Variants in HS3ST4 observed in about 807,000 individuals in gnomAD.
The protein encoded by HS3ST4 is heparan sulfate-glucosamine 3-sulfotransferase 4.
A neutral mutation model predicts 29.2 loss-of-function variants in HS3ST4; 17 were observed. The ratio of observed to expected loss-of-function variants is 0.58; its 90% CI spans 0.40 to 0.87. The LOEUF is 0.87. HS3ST4 is among the 40% of genes least tolerant of loss of function. The pLI, the probability that HS3ST4 is intolerant of heterozygous loss-of-function variation, is 0.00. For synonymous variants in HS3ST4, 314 were observed against 285.7 expected (o/e 1.10, Z -1.00); for missense variants, 627 against 634.5 (o/e 0.99, Z 0.13).
chr16:25,927,710 C>T (rs555014270), intron 1 of HS3ST4, among the ~76,000 whole-genome samples: 3 of 151,092 alleles, frequency 2.0e-5, no homozygotes, highest in African/African-American at 7.3e-5. Context: ...TTTTTTTCCC[C>T]GATTTTTCGG....
At chr16:25,950,079 C>A (rs1036064533) in intron 1 of HS3ST4, among the ~76,000 whole-genome samples, 1 of 152,272 alleles carries the variant, frequency 6.6e-6, no homozygotes, top group Admixed American at 6.5e-5. Flanking sequence ...GTCTTACCAG[C>A]TTGTGACATC....
chr16:25,855,488 G>T (rs1967566170), intron 1 of HS3ST4, among the ~76,000 whole-genome samples: 1 of 152,102 alleles, frequency 6.6e-6, no homozygotes, highest in South Asian at 2.1e-4. Flanking sequence ...AAAATATTTT[G>T]ATTTCCTTCA....
chr16:26,135,530 T>C, intron 1 of HS3ST4, 82 bp from the exon 2 acceptor site: 5 of 1,365,256 alleles, frequency 3.7e-6, no homozygotes, highest in Non-Finnish European at 4.9e-6. Context: ...CTAGGTTGTT[T>C]ATATCACACA....
rs201666180 is a variant in HS3ST4, at chr16:25,721,478, T to G, written c.734+28327T>G. Among the ~76,000 whole-genome samples the G allele has an allele frequency of 7.1e-4, 8 of 11,302 alleles. No homozygotes were observed. In the South Asian group the frequency reaches 0.027, roughly 38 times the overall value. 7.4% of individuals were successfully genotyped at this position (11,302 alleles called of 152,430 possible). On this transcript the variant is annotated intron_variant, in intron 1 of 1. Transcript: ENST00000331351. ...TACCCTTCTTTCCCATAAAGCAATATTTTTTTCACAAATTGCATTCAAAGG... is the reference window on the plus strand; with the variant it reads ...TACCCTTCTTTCCCATAAAGCAATAGTTTTTTCACAAATTGCATTCAAAGG...
intron 1 of HS3ST4, among the ~76,000 whole-genome samples, chr16:25,783,858 A>G (rs1306600233): frequency 6.6e-6 from 1 of 152,184 alleles, no homozygotes; most frequent in East Asian, 1.9e-4. Context: ...ATACAGGTAT[A>G]CTTTAATTTT....
intron 1 of HS3ST4, among the ~76,000 whole-genome samples, chr16:25,949,901 C>T (rs1968666285): frequency 6.6e-6 from 1 of 152,062 alleles, no homozygotes; most frequent in East Asian, 1.9e-4. Context: ...AAAAATGGGT[C>T]CCAGAGGATG....
At position 26,031,671 on chromosome 16, in the gene HS3ST4, C is replaced by T. The variant is rs919577560; in HGVS notation, c.735-103941C>T. Among the ~76,000 whole-genome samples, 4 of 151,030 alleles carry T rather than the reference C, an allele frequency of 2.6e-5. No homozygotes were observed. In the South Asian group the frequency reaches 6.3e-4, roughly 24 times the overall value. ...AATAGGAGCCTCTGGCCCGACGCAC[C>T]GGCCACAGGGCCCAGCAGAAAGATG... is the stretch of plus-strand genomic sequence containing the variant. On this transcript the variant is annotated intron_variant, in intron 1 of 1. Coordinates refer to ENST00000331351, the MANE Select transcript of HS3ST4 (RefSeq NM_006040.3).
intron 1 of HS3ST4, among the ~76,000 whole-genome samples, chr16:26,123,084 G>A (rs959439969): frequency 2.0e-5 from 3 of 151,658 alleles, no homozygotes; most frequent in Non-Finnish European, 4.4e-5. Flanking sequence ...GCTTGAACAG[G>A]GCTCTTCTCC....
chr16:26,059,266 C>T (rs1459915510), intron 1 of HS3ST4, among the ~76,000 whole-genome samples: 1 of 151,852 alleles, frequency 6.6e-6, no homozygotes, highest in African/African-American at 2.4e-5. Flanking sequence ...CTTCCTCCTT[C>T]CTTTCCCTCC....
intron 1 of HS3ST4, among the ~76,000 whole-genome samples, chr16:26,048,353 G>A (rs1443957992): frequency 6.6e-6 from 1 of 152,224 alleles, no homozygotes; most frequent in Non-Finnish European, 1.5e-5. Flanking sequence ...ACATGAGAAA[G>A]GATAGATTGT....
At chr16:26,064,388 A>G (rs1484648096) in intron 1 of HS3ST4, among the ~76,000 whole-genome samples, 1 of 152,204 alleles carries the variant, frequency 6.6e-6, no homozygotes, top group East Asian at 1.9e-4. Context: ...GGTGTCGGGT[A>G]GACCATGAGC....
intron 1 of HS3ST4, among the ~76,000 whole-genome samples, chr16:26,043,233 A>G (rs1171420677): frequency 6.6e-6 from 1 of 152,228 alleles, no homozygotes. Flanking sequence ...TGGTATGGTA[A>G]AGCAACTTTA....
chr16:25,807,339 G>A (rs187419560), intron 1 of HS3ST4, among the ~76,000 whole-genome samples: 7 of 152,184 alleles, frequency 4.6e-5, no homozygotes, highest in Admixed American at 4.6e-4. Context: ...CTAATCCCTG[G>A]CAACTATGAA....
intron 1 of HS3ST4, among the ~76,000 whole-genome samples, chr16:26,011,499 G>A (rs1483550066): frequency 6.6e-6 from 1 of 152,178 alleles, no homozygotes; most frequent in Admixed American, 6.5e-5. Context: ...TGCAGAAGTT[G>A]CAGTGAGCTG....
chr16:25,993,261 T>C (rs1241193809), intron 1 of HS3ST4, among the ~76,000 whole-genome samples: 1 of 152,124 alleles, frequency 6.6e-6, no homozygotes, highest in African/African-American at 2.4e-5. Context: ...GATGAGGTGT[T>C]ATTCAGGGTT....
At chr16:25,941,159 T>C (rs1457051792) in intron 1 of HS3ST4, among the ~76,000 whole-genome samples, 1 of 152,118 alleles carries the variant, frequency 6.6e-6, no homozygotes, top group Non-Finnish European at 1.5e-5. Flanking sequence ...TTTTGTTTTG[T>C]TTTTTTGTTA....
rs542272186 is a variant in HS3ST4, at chr16:26,022,419, G to A, written c.735-113193G>A. Among the ~76,000 whole-genome samples the A allele has an allele frequency of 2.0e-5, 3 of 152,254 alleles. No individual in the cohort carries two copies. The South Asian group carries it at 6.2e-4, about 32-fold the overall frequency. ...TAGTGGACACTTACTGAAAATTGGG[G>A]GAGGGGACATATTCATAATCCCATG... On this transcript the variant is annotated intron_variant, in intron 1 of 1. Coordinates refer to ENST00000331351, the MANE Select transcript of HS3ST4 (RefSeq NM_006040.3).
chr16:25,859,542 A>T (rs1596593598), intron 1 of HS3ST4, among the ~76,000 whole-genome samples: 1 of 152,314 alleles, frequency 6.6e-6, no homozygotes, highest in South Asian at 2.1e-4. Flanking sequence ...AAATAACAAG[A>T]CTAAATTACA....
At chr16:25,907,523 G>A (rs1968190891) in intron 1 of HS3ST4, among the ~76,000 whole-genome samples, 1 of 152,150 alleles carries the variant, frequency 6.6e-6, no homozygotes, top group Admixed American at 6.6e-5. Context: ...AGTAAAGAAA[G>A]CTGAAGCTTC....
Sources: gnomAD v4.1 joint callset for allele counts (sites outside exome capture counted in the v4.1 genomes callset) on GRCh38, gnomAD v4.1.1 for gene constraint, MANE v1.5 for transcripts, NCBI Gene and HGNC (gene_info 2026-07-23, HGNC 2026-07-21) for gene names.